The following TRPM3 variants were observed in gnomAD, a reference collection of about 807,000 sequenced individuals.
The protein encoded by TRPM3 is long transient receptor potential channel 3.
Under a neutral mutation model 181.2 loss-of-function variants are expected in TRPM3, and 77 were observed. The observed-to-expected ratio is 0.42, with a 90% CI of 0.35 to 0.51. The LOEUF (loss-of-function observed/expected upper bound fraction) is 0.51, where lower values mean the gene tolerates loss of function less well. Among genes scored for constraint, TRPM3 ranks in the 20% least tolerant of loss-of-function variants. TRPM3 has a pLI of 0.01. For synonymous variants in TRPM3, 745 were observed against 796.4 expected (o/e 0.94, Z 1.09); for missense variants, 1,759 against 2,196.7 (o/e 0.80, Z 3.98).
At chr9:70,876,049 A>G (rs1419112636) in intron 1 of TRPM3, among the ~76,000 whole-genome samples, 1 of 151,806 alleles carries the variant, frequency 6.6e-6, no homozygotes, top group Non-Finnish European at 1.5e-5. Context: ...TAGAAGGGTA[A>G]AAATATCATA....
intron 22 of TRPM3, among the ~76,000 whole-genome samples, chr9:70,559,602 C>G (rs2048566718): frequency 6.6e-6 from 1 of 152,122 alleles, no homozygotes; most frequent in Non-Finnish European, 1.5e-5. Context: ...TCCCTCTGAG[C>G]CAAGATGTGA....
At chr9:70,788,115 A>C in intron 6 of TRPM3, among the ~76,000 whole-genome samples, 2 of 143,396 alleles carry the variant, frequency 1.4e-5, no homozygotes, top group Non-Finnish European at 1.5e-5. Context: ...GCACCCACTA[A>C]CTCGTCATCT....
intron 1 of TRPM3, among the ~76,000 whole-genome samples, chr9:71,303,576 G>C (rs11142796): frequency 0.1 from 15,514 of 152,192 alleles, 953 homozygotes; most frequent in Non-Finnish European, 0.13. Flanking sequence ...GCACTTTACT[G>C]TTTTTACATT....
intron 1 of TRPM3, among the ~76,000 whole-genome samples, chr9:71,252,533 A>G (rs908023066): frequency 6.6e-6 from 1 of 152,208 alleles, no homozygotes; most frequent in Non-Finnish European, 1.5e-5. Flanking sequence ...ATTTCTTCAT[A>G]AAATTATGCA....
In TRPM3 at chr9:70,535,929, T is replaced by G. The variant is rs2041603503; in HGVS notation, c.*24A>C. ...AATTTTAGGGCTGGATTCTTGAGCC[T>G]TCTGTGGCGGATATTAAGAAGGTTT... On this transcript the variant is annotated 3_prime_UTR_variant, in exon 26 of 26. Transcript: ENST00000677713. 5 of 1,550,760 alleles carry G rather than the reference T, an allele frequency of 3.2e-6. No homozygotes were observed. The highest frequency in any genetic ancestry group is 3.5e-4 in the Middle Eastern group (2 of 5,734).
At chr9:71,387,825 A>G (rs548223123) in intron 1 of TRPM3, among the ~76,000 whole-genome samples, 30 of 152,252 alleles carry the variant, frequency 2.0e-4, no homozygotes, top group African/African-American at 7.2e-4. Flanking sequence ...TACTAACATC[A>G]AAATAAATAT....
chr9:71,211,723 C>G (rs2079518723), intron 1 of TRPM3, among the ~76,000 whole-genome samples: 1 of 152,120 alleles, frequency 6.6e-6, no homozygotes, highest in Non-Finnish European at 1.5e-5. Context: ...ATATGTGTGT[C>G]TATGTTCAAA....
intron 1 of TRPM3, among the ~76,000 whole-genome samples, chr9:71,381,118 T>A (rs2092789936): frequency 6.6e-6 from 1 of 151,986 alleles, no homozygotes; most frequent in Non-Finnish European, 1.5e-5. Context: ...CTCACCTGCA[T>A]GCAATGATAC....
chr9:70,681,663 C>A (rs2065467505), intron 8 of TRPM3, 85 bp from the exon 9 acceptor site: 1 of 1,112,576 alleles, frequency 9.0e-7, no homozygotes, highest in Admixed American at 1.7e-5. Context: ...TGAGCAGAGA[C>A]TATCTCTATA....
chr9:71,422,378 G>A (rs533831537), intron 1 of TRPM3, among the ~76,000 whole-genome samples: 4 of 152,102 alleles, frequency 2.6e-5, no homozygotes, highest in African/African-American at 9.6e-5. Context: ...GTGTCATTTA[G>A]GACAATAGTT....
rs1155839 is a variant in TRPM3, at chr9:71,332,501, G to C, written c.183+114152C>G. ...CGTTTTATTAATTTAAATAAACTCA[G>C]TTTTAAAAATGTATTTATTACAAAG... On this transcript the variant is annotated intron_variant, in intron 1 of 24. Coordinates refer to the TRPM3 transcript ENST00000357533. Among the ~76,000 whole-genome samples, 273 of 150,536 alleles carry C rather than the reference G, an allele frequency of 1.8e-3. 5 individuals are homozygous for C. Among genetic ancestry groups the C allele is most frequent in the Non-Finnish European group, 3.0e-3 (203 of 67,716 alleles).
At chr9:71,260,519 A>C (rs2309911) in intron 1 of TRPM3, among the ~76,000 whole-genome samples, 1 of 152,186 alleles carries the variant, frequency 6.6e-6, no homozygotes, top group South Asian at 2.1e-4. Flanking sequence ...CATGAGCATG[A>C]AATGTTTTTC....
chr9:71,446,598 C>A, intron 1 of TRPM3: 1 of 1,518,458 alleles, frequency 6.6e-7, no homozygotes, highest in Non-Finnish European at 8.9e-7. Context: ...GGGCTCAAGT[C>A]GCGTGCGAAG....
intron 1 of TRPM3, among the ~76,000 whole-genome samples, chr9:71,353,430 T>C (rs1357815935): frequency 3.3e-5 from 5 of 152,114 alleles, no homozygotes; most frequent in Non-Finnish European, 7.4e-5. Flanking sequence ...GCCCCTACTG[T>C]CCCCTGGCTT....
chr9:71,402,327 A>G (rs981787958), intron 1 of TRPM3, among the ~76,000 whole-genome samples: 1 of 152,218 alleles, frequency 6.6e-6, no homozygotes, highest in African/African-American at 2.4e-5. Context: ...ATCAGAAAAG[A>G]GGTGTCTAAA....
intron 6 of TRPM3, among the ~76,000 whole-genome samples, chr9:70,812,895 G>T (rs139935872): frequency 1.3e-5 from 2 of 152,106 alleles, no homozygotes; most frequent in Non-Finnish European, 2.9e-5. Context: ...TGTTATGTCC[G>T]CAAATTGTCT....
rs539862131 is a variant in TRPM3 at position 71,041,991 on chromosome 9, G to A, written c.177+79187C>T. On this transcript the variant is annotated intron_variant, in intron 1 of 25. Coordinates refer to ENST00000677713, the MANE Select transcript of TRPM3 (RefSeq NM_001366145.2). ...TTATTGAATACCAATTTCATGTGAG[G>A]TACTGTCCTAGATGCTAATCAATAC... Among the ~76,000 whole-genome samples, 299 of 152,164 alleles carry A rather than the reference G, an allele frequency of 2.0e-3. 2 individuals carry two copies. Among genetic ancestry groups the A allele is most frequent in the Non-Finnish European group, 3.2e-3 (221 of 68,006 alleles).
chr9:71,052,440 G>A (rs1436445722), intron 1 of TRPM3, among the ~76,000 whole-genome samples: 1 of 152,088 alleles, frequency 6.6e-6, no homozygotes, highest in Non-Finnish European at 1.5e-5. Flanking sequence ...GTATTCTGAG[G>A]CCTTGACCCA....
chr9:70,859,284 A>G (rs2095466198), intron 3 of TRPM3, among the ~76,000 whole-genome samples: 2 of 152,152 alleles, frequency 1.3e-5, no homozygotes, highest in South Asian at 2.1e-4. Flanking sequence ...GAGCCTCAGG[A>G]GGGCTGTCGA....
Sources: gnomAD v4.1 joint callset for allele counts (sites outside exome capture counted in the v4.1 genomes callset) on GRCh38, gnomAD v4.1.1 for gene constraint, MANE v1.5 for transcripts, NCBI Gene and HGNC (gene_info 2026-07-23, HGNC 2026-07-21) for gene names.